RUNX3: variants seen among roughly 807,000 people sequenced by gnomAD.
RUNX3 encodes runt-related transcription factor 3.
Under a neutral mutation model 27.7 loss-of-function variants are expected in RUNX3, and 10 were observed. The ratio of observed to expected loss-of-function variants is 0.36; its 90% CI spans 0.22 to 0.61. The LOEUF is 0.61. Ranked by LOEUF, RUNX3 falls within the 20% of genes least tolerant of loss-of-function variation. RUNX3 has a pLI of 0.72. For missense variants in RUNX3, 469 were observed against 629.5 expected (o/e 0.75, Z 2.73); for synonymous variants, 270 against 269.2 (o/e 1.00, Z -0.03).
intron 2 of RUNX3, among the ~76,000 whole-genome samples, chr1:24,946,895 T>A (rs1393645344): frequency 1.3e-5 from 2 of 152,162 alleles, no homozygotes; most frequent in Non-Finnish European, 2.9e-5. Context: ...ACTGATTCCA[T>A]CCAACGCTGA....
intron 3 of RUNX3, among the ~76,000 whole-genome samples, chr1:24,917,576 T>G (rs566608519): frequency 2.9e-4 from 44 of 152,334 alleles, no homozygotes; most frequent in African/African-American, 1.1e-3. Flanking sequence ...GGTCAGTGAC[T>G]TGCCCTAGGT....
At chr1:24,913,430 C>A (rs1640831387) in intron 3 of RUNX3, among the ~76,000 whole-genome samples, 1 of 152,262 alleles carries the variant, frequency 6.6e-6, no homozygotes, top group African/African-American at 2.4e-5. Context: ...GCTGTCTTAT[C>A]TGCAAAATGG....
rs564266488 is a variant in RUNX3, at chr1:24,916,738, T to C, written c.544+2502A>G. On this transcript the variant is annotated intron_variant, in intron 3 of 4. Transcript: ENST00000308873. This position sits in a 1 kb window ranked among gnomAD's most constrained non-coding sequence, Gnocchi z 4.8. ...CCTAAGGATGGGGGACCTAGTAGACTGCCCCCCGACTCCATCTCTGCTCTG... is the reference window on the plus strand; with the variant it reads ...CCTAAGGATGGGGGACCTAGTAGACCGCCCCCCGACTCCATCTCTGCTCTG... 6.6e-6 allele frequency among the ~76,000 whole-genome samples: 1 copy of C among 152,044 alleles called. No individual in the cohort carries two copies. Among genetic ancestry groups the C allele is most frequent in the African/African-American group, 2.4e-5 (1 of 41,398 alleles).
At chr1:24,934,621 G>A (rs930202148), upstream of RUNX3, among the ~76,000 whole-genome samples, 1 of 152,182 alleles carries the variant, frequency 6.6e-6, no homozygotes, top group South Asian at 2.1e-4. Flanking sequence ...TCCCCACGGC[G>A]TCATATGTGG....
At chr1:24,947,084 C>T (rs752811166) in intron 2 of RUNX3, among the ~76,000 whole-genome samples, 6 of 152,170 alleles carry the variant, frequency 3.9e-5, no homozygotes, top group Admixed American at 3.9e-4. Flanking sequence ...AGACCCTCTG[C>T]GTCTCTGTGT....
rs1323842458 is a variant in RUNX3, at chr1:24,953,417, A to C, written c.58+11097T>G. 2.0e-5 allele frequency among the ~76,000 whole-genome samples: 3 copies of C among 150,922 alleles called. No individual in the cohort carries two copies. The East Asian group carries it at 5.8e-4, about 29-fold the overall frequency. On this transcript the variant is annotated intron_variant, in intron 2 of 6. Coordinates refer to the RUNX3 transcript ENST00000338888. ...AAAGAAAAATGAAAAAAAAAAAAAA[A>C]CAGATCTGCATAGCCCTACAAAGTA...
At position 24,904,203 on chromosome 1, in the gene RUNX3, G is replaced by T. The variant is rs780671867; in HGVS notation, c.704-1537C>A. ...TAAGGGCCGGTGCTAGCCGGAGTGG[G>T]CTCTGCCTGCCACGCCGAGGCTTGG... is the stretch of plus-strand genomic sequence containing the variant. On this transcript the variant is annotated intron_variant, in intron 4 of 4. Coordinates refer to ENST00000308873, the MANE Select transcript of RUNX3 (RefSeq NM_004350.3). This position sits in a 1 kb window ranked among gnomAD's most constrained non-coding sequence, Gnocchi z 5.7. Among the ~76,000 whole-genome samples, 3 of 152,216 alleles carry T rather than the reference G, an allele frequency of 2.0e-5. No homozygotes were observed. The highest frequency in any genetic ancestry group is 2.9e-5 in the Non-Finnish European group (2 of 68,032).
intron 1 of RUNX3, chr1:24,929,103 C>A (rs991379860): frequency 8.7e-6 from 4 of 459,606 alleles, no homozygotes; most frequent in Non-Finnish European, 1.7e-5. Flanking sequence ...CCCGGCCTAG[C>A]GCCGTCCGGT....
At chr1:24,921,541 G>A (rs946662759) in intron 2 of RUNX3, among the ~76,000 whole-genome samples, 22 of 152,296 alleles carry the variant, frequency 1.4e-4, no homozygotes, top group Non-Finnish European at 8.8e-5. Context: ...AGGTCACAGG[G>A]GCCACTTTGT....
intron 2 of RUNX3, among the ~76,000 whole-genome samples, chr1:24,949,980 C>G (rs1317291341): frequency 6.6e-6 from 1 of 152,208 alleles, no homozygotes; most frequent in Non-Finnish European, 1.5e-5. Flanking sequence ...CCAGGAGACC[C>G]CAGGAGCCGT....
chr1:24,949,592 C>T (rs1055650594), intron 2 of RUNX3, among the ~76,000 whole-genome samples: 1 of 152,376 alleles, frequency 6.6e-6, no homozygotes, highest in Admixed American at 6.5e-5. Flanking sequence ...CACTGGCCTT[C>T]ATCACTGACT....
chr1:24,902,318 C>T lies in RUNX3; in HGVS notation c.1052G>A (p.Ser351Asn). The T allele has an allele frequency of 6.2e-7, 1 of 1,609,080 alleles. No individual in the cohort carries two copies. Among genetic ancestry groups the T allele is most frequent in the Non-Finnish European group, 8.5e-7 (1 of 1,178,958 alleles). Reference sequence around the variant, plus strand: ...GCGGGTAGGTGAGCGGTCGCCCCCACTGCTGCTGCCGGCCACCATGGAGAA... The same window carrying T: ...GCGGGTAGGTGAGCGGTCGCCCCCATTGCTGCTGCCGGCCACCATGGAGAA... ...YQFSMVAGSS[S>N]GGDRSPTRML... The change falls in exon 5 of 5, where the codon AGT becomes AAT. Residue 351 changes from serine (S) to asparagine (N), a missense_variant. By Grantham distance (46) the Ser-to-Asn change is conservative. Around this residue, in one of 3 missense-constraint regions of RUNX3, gnomAD observed 279 missense variants for 343.0 expected, o/e 0.81. Coordinates refer to ENST00000308873, the MANE Select transcript of RUNX3 (RefSeq NM_004350.3). The surrounding 1 kb of genome is among the most constrained non-coding windows in gnomAD (Gnocchi z 9.2).
intron 2 of RUNX3, among the ~76,000 whole-genome samples, chr1:24,947,093 G>A (rs552664332): frequency 6.6e-6 from 1 of 152,282 alleles, no homozygotes; most frequent in East Asian, 1.9e-4. Flanking sequence ...GCGTCTCTGT[G>A]TGTCCTCACG....
At position 24,902,231 on chromosome 1, in the gene RUNX3, C is replaced by T. The variant is rs754968170; in HGVS notation, c.1139G>A (p.Ser380Asn). 4 of 1,576,510 alleles carry T rather than the reference C, an allele frequency of 2.5e-6. No individual in the cohort carries two copies. Among genetic ancestry groups the T allele is most frequent in the Non-Finnish European group, 3.4e-6 (4 of 1,162,922 alleles). ...SVAAGNLMNP[S>N]LGGQSDGVEA... ...CACGCCATCACTCTGGCCGCCCAGG[C>T]TGGGGTTCATGAGGTTGCCGGCGGC... Residue 380 changes from serine to asparagine, a missense_variant, in exon 5 of 5, where the codon AGC becomes AAC. Physicochemically the swap from Ser to Asn is conservative, Grantham distance 46 (BLOSUM62 1). Around this residue, in one of 3 missense-constraint regions of RUNX3, gnomAD observed 279 missense variants for 343.0 expected, o/e 0.81. Transcript: ENST00000308873. The surrounding 1 kb of genome is among the most constrained non-coding windows in gnomAD (Gnocchi z 9.2).
chr1:24,905,108 G>A (rs929862392), intron 4 of RUNX3, among the ~76,000 whole-genome samples: 1 of 152,150 alleles, frequency 6.6e-6, no homozygotes, highest in African/African-American at 2.4e-5. Flanking sequence ...ATATTGGAGG[G>A]TCAAAGCACT....
Position 24,921,263 on chromosome 1 carries a change from C to A in RUNX3, c.440-1919G>T, listed in dbSNP as rs942478466. On this transcript the variant is annotated intron_variant, in intron 2 of 4. Coordinates refer to ENST00000308873, the MANE Select transcript of RUNX3 (RefSeq NM_004350.3). ...GCCGGGTACTTGTTAGTCAACTGAT[C>A]AAGTGAAAATTCTAGCCCCAGAGGC... Among the ~76,000 whole-genome samples the A allele has an allele frequency of 2.6e-5, 4 of 152,150 alleles. No homozygotes were observed. The South Asian group carries it at 6.2e-4, about 24-fold the overall frequency.
At chr1:24,906,255 T>C (rs1232484394) in intron 4 of RUNX3, among the ~76,000 whole-genome samples, 2 of 152,244 alleles carry the variant, frequency 1.3e-5, no homozygotes, top group African/African-American at 4.8e-5. Flanking sequence ...GAGCAGGTAC[T>C]GTGGAGACTG....
intron 3 of RUNX3, among the ~76,000 whole-genome samples, chr1:24,914,624 C>T (rs1054535940): frequency 1.3e-5 from 2 of 152,098 alleles, no homozygotes; most frequent in Non-Finnish European, 2.9e-5. Flanking sequence ...TAGGAGAACC[C>T]AGGAGGTCTG....
upstream of RUNX3, among the ~76,000 whole-genome samples, chr1:24,932,227 C>T (rs1212548666): frequency 6.6e-6 from 1 of 150,494 alleles, no homozygotes; most frequent in Non-Finnish European, 1.5e-5. Context: ...ATGAGGGACT[C>T]TTGTGGGCCC....
Sources: gnomAD v4.1 joint callset for allele counts (sites outside exome capture counted in the v4.1 genomes callset) on GRCh38, gnomAD v4.1.1 for gene constraint, gnomAD v4.1.1 regional missense constraint, Gnocchi (gnomAD v3.1) non-coding constraint, MANE v1.5 for transcripts, NCBI Gene and HGNC (gene_info 2026-07-23, HGNC 2026-07-21) for gene names.